TCF12: variants seen among roughly 807,000 people sequenced by gnomAD.
TCF12 encodes the protein DNA-binding protein HTF4.
TCF12 carries 45 observed loss-of-function variants against 86.0 expected under a neutral mutation model. The ratio of observed to expected loss-of-function variants is 0.52; its 90% CI spans 0.41 to 0.67. The LOEUF (loss-of-function observed/expected upper bound fraction) is 0.67. TCF12 is among the 30% of genes least tolerant of loss of function. The probability of loss-of-function intolerance (pLI) is 0.00; values close to 1 mark genes in which losing one functional copy is unlikely to be tolerated. For missense variants in TCF12, 881 were observed against 859.9 expected, an observed-to-expected ratio of 1.02 and a Z score of -0.31; for synonymous variants, 330 against 299.6, an observed-to-expected ratio of 1.10 and a Z score of -1.05.
intron 8 of TCF12, among the ~76,000 whole-genome samples, chr15:57,229,865 CA>C (rs1388384839): frequency 6.6e-6 from 1 of 151,806 alleles, no homozygotes; most frequent in African/African-American, 2.4e-5. Flanking sequence ...GGGTAATTTG[CA>C]AGGGGTCTTT....
At chr15:57,048,485 T>C (rs1019027900) in intron 3 of TCF12, among the ~76,000 whole-genome samples, 3 of 152,100 alleles carry the variant, frequency 2.0e-5, no homozygotes, top group Non-Finnish European at 4.4e-5. Context: ...ATGGTCTCCA[T>C]CTCCTGACCT....
intron 3 of TCF12, among the ~76,000 whole-genome samples, chr15:56,964,777 G>A (rs142707921): frequency 6.6e-6 from 1 of 152,296 alleles, no homozygotes; most frequent in East Asian, 1.9e-4. Context: ...CAGGCACATA[G>A]TTAATACCTG....
chr15:57,158,441 A>G (rs2054276527), intron 5 of TCF12, among the ~76,000 whole-genome samples: 1 of 152,112 alleles, frequency 6.6e-6, no homozygotes, highest in African/African-American at 2.4e-5. Flanking sequence ...AGCCTCTCAA[A>G]GTGCTGGGAT....
intron 3 of TCF12, among the ~76,000 whole-genome samples, chr15:56,940,499 C>CCTCCTCCTT (rs1555452248): frequency 6.7e-6 from 1 of 148,970 alleles, no homozygotes; most frequent in Non-Finnish European, 1.5e-5. Flanking sequence ...TCCTCCTCCT[C>CCTCCTCCTT]CTTCTTCTTC....
At chr15:57,170,706 ATAT>A (rs2055342596) in intron 6 of TCF12, among the ~76,000 whole-genome samples, 1 of 26,196 alleles carries the variant, frequency 3.8e-5, no homozygotes, top group East Asian at 8.5e-4. Context: ...ATTATATATA[ATAT>A]ATAATATATA....
At chr15:57,169,453 C>G (rs117765845) in intron 6 of TCF12, among the ~76,000 whole-genome samples, 1 of 152,258 alleles carries the variant, frequency 6.6e-6, no homozygotes, top group Non-Finnish European at 1.5e-5. Flanking sequence ...CATCTCTGCA[C>G]TGATTTCTAT....
chr15:56,958,288 G>C (rs116111524), intron 3 of TCF12, among the ~76,000 whole-genome samples: 1 of 152,130 alleles, frequency 6.6e-6, no homozygotes, highest in Non-Finnish European at 1.5e-5. Context: ...TAGTAAGTTT[G>C]TGTGTTTGTG....
At chr15:57,075,821 TCTCTCTC>T (rs1567370935) in intron 4 of TCF12, among the ~76,000 whole-genome samples, 22 of 80,070 alleles carry the variant, frequency 2.7e-4, no homozygotes, top group African/African-American at 1.2e-3. Context: ...TCTCTCTCTC[TCTCTCTC>T]TCTCTCTTTT....
chr15:56,977,396 G>A (rs776939910), intron 3 of TCF12, among the ~76,000 whole-genome samples: 5 of 152,150 alleles, frequency 3.3e-5, no homozygotes, highest in African/African-American at 1.2e-4. Flanking sequence ...AGCCAAGAGT[G>A]ATGGCATGTG....
intron 6 of TCF12, among the ~76,000 whole-genome samples, chr15:57,170,755 T>C (rs1272808977): frequency 4.7e-5 from 2 of 42,212 alleles, no homozygotes; most frequent in Admixed American, 4.6e-4. Context: ...TTATATATTA[T>C]ATATTATATA....
rs1391501116 is a variant in TCF12 at position 57,205,111 on chromosome 15, G to A, written c.579+7286G>A. Among the ~76,000 whole-genome samples the A allele has an allele frequency of 3.3e-5, 5 of 151,992 alleles. No individual in the cohort carries two copies. In the South Asian group the frequency reaches 6.2e-4, roughly 19 times the overall value. ...GCAGATCACTTGAGCCCAGGAGTTC[G>A]AGATCTGCCTAGCCAACATAATGGA... is the stretch of plus-strand genomic sequence containing the variant. On this transcript the variant is annotated intron_variant, in intron 8 of 20. Coordinates refer to ENST00000333725, the MANE Select transcript of TCF12 (RefSeq NM_207037.2).
intron 5 of TCF12, among the ~76,000 whole-genome samples, chr15:57,134,792 G>A (rs2052399307): frequency 6.6e-6 from 1 of 151,710 alleles, no homozygotes; most frequent in Non-Finnish European, 1.5e-5. Flanking sequence ...TTGCCCAGTG[G>A]ATCACTGTCA....
intron 5 of TCF12, among the ~76,000 whole-genome samples, chr15:57,112,909 AAAT>A (rs1176773764): frequency 2.0e-5 from 3 of 152,324 alleles, no homozygotes; most frequent in South Asian, 4.1e-4. Flanking sequence ...GTAGGAAAAA[AAAT>A]AAAATCCAAA....
intron 5 of TCF12, among the ~76,000 whole-genome samples, chr15:57,161,092 A>G (rs748194785): frequency 3.3e-5 from 5 of 152,166 alleles, no homozygotes; most frequent in African/African-American, 4.8e-5. Flanking sequence ...TGTCCAGTCA[A>G]TGTTTGGATA....
Position 57,232,330 on chromosome 15 carries a change from A to C in TCF12, c.725A>C (p.Asn242Thr). 2 of 1,614,068 alleles carry C rather than the reference A, an allele frequency of 1.2e-6. No homozygotes were observed. Among genetic ancestry groups the C allele is most frequent in the Non-Finnish European group, 1.7e-6 (2 of 1,179,926 alleles). ...TCTTCTGACCTTTGGAGTTCATCAA[A>C]TGGGATGAGCCAGCCTGGTTTTGGT... ...HNSSDLWSSSNGMSQPGFGGI... is the reference protein window; with the variant it reads ...HNSSDLWSSSTGMSQPGFGGI... The change falls in exon 10 of 21, where the codon AAT becomes ACT. Residue 242 changes from asparagine to threonine, a missense_variant. Asn to Thr is a moderately conservative substitution (Grantham distance 65). Transcript: ENST00000333725.
chr15:56,938,816 G>A (rs2060600130), intron 3 of TCF12, among the ~76,000 whole-genome samples: 3 of 152,032 alleles, frequency 2.0e-5, no homozygotes, highest in Admixed American at 6.5e-5. Flanking sequence ...TATGAATTTT[G>A]AGAGGATGCA....
At chr15:57,121,455 G>T (rs2051223003) in intron 5 of TCF12, among the ~76,000 whole-genome samples, 1 of 152,176 alleles carries the variant, frequency 6.6e-6, no homozygotes, top group African/African-American at 2.4e-5. Context: ...TAGTTGGCCT[G>T]TGGGAGGTTA....
intron 5 of TCF12, among the ~76,000 whole-genome samples, chr15:57,099,553 T>C (rs753264016): frequency 2.0e-5 from 3 of 152,084 alleles, no homozygotes; most frequent in African/African-American, 7.2e-5. Flanking sequence ...AAAGAATTAG[T>C]TGTTGATTTT....
chr15:57,283,484 C>T (rs368529609), intron 20 of TCF12, among the ~76,000 whole-genome samples: 9 of 152,098 alleles, frequency 5.9e-5, no homozygotes, highest in African/African-American at 1.4e-4. Context: ...AGGCTGGTCT[C>T]GAACTCCTAA....
Sources: allele counts gnomAD v4.1 joint callset (sites outside exome capture counted in the v4.1 genomes callset), GRCh38; gene constraint gnomAD v4.1.1; transcripts MANE v1.5; gene names NCBI Gene and HGNC (gene_info 2026-07-23, HGNC 2026-07-21).